VAV2: variants seen among roughly 807,000 people sequenced by gnomAD.
The protein encoded by VAV2 is guanine nucleotide exchange factor VAV2.
A neutral mutation model predicts 132.5 loss-of-function variants in VAV2; 67 were observed. The ratio of observed to expected loss-of-function variants is 0.51; its 90% CI spans 0.42 to 0.62. The LOEUF (loss-of-function observed/expected upper bound fraction) is 0.62, where lower values mean the gene tolerates loss of function less well. VAV2 is among the 20% of genes least tolerant of loss of function. The probability of loss-of-function intolerance (pLI) is 0.00; values close to 1 mark genes in which losing one functional copy is unlikely to be tolerated. For missense variants in VAV2, 938 were observed against 1,153.6 expected, an observed-to-expected ratio of 0.81 and a Z score of 2.71; for synonymous variants, 492 against 443.5, an observed-to-expected ratio of 1.11 and a Z score of -1.37.
chr9:133,933,448 GATGA>G (rs1290512243), intron 2 of VAV2, among the ~76,000 whole-genome samples: 1 of 146,112 alleles, frequency 6.8e-6, no homozygotes, highest in African/African-American at 2.7e-5. Context: ...TGGATGGATG[GATGA>G]ATGGATGGGT....
chr9:133,924,899 C>CTT (rs1840419626), intron 2 of VAV2, among the ~76,000 whole-genome samples: 1 of 152,264 alleles, frequency 6.6e-6, no homozygotes, highest in Non-Finnish European at 1.5e-5. Flanking sequence ...AAAGGAATGA[C>CTT]CCACTGGCGG....
At chr9:133,858,136 G>A (rs1423615012) in intron 3 of VAV2, among the ~76,000 whole-genome samples, 2 of 152,228 alleles carry the variant, frequency 1.3e-5, no homozygotes, top group East Asian at 3.9e-4. Context: ...GCCCCGTAGT[G>A]TCTGCCAGAT....
chr9:133,772,070 G>A (rs565635701), intron 25 of VAV2, 24 bp from the exon 26 acceptor site: 11 of 1,608,144 alleles, frequency 6.8e-6, no homozygotes, highest in Middle Eastern at 1.7e-4. Context: ...CGGCCCCGGC[G>A]GTCACCGCGT....
At chr9:133,792,066 G>GGTGT (rs368196281) in intron 12 of VAV2, among the ~76,000 whole-genome samples, 197 bp from the exon 13 acceptor site, 119 of 142,090 alleles carry the variant, frequency 8.4e-4, no homozygotes, top group African/African-American at 2.1e-3. Context: ...ACTGTGCTGT[G>GGTGT]GTGTGTGTGT....
At chr9:133,837,630 C>A (rs369250201) in intron 3 of VAV2, among the ~76,000 whole-genome samples, 2 of 150,926 alleles carry the variant, frequency 1.3e-5, no homozygotes. Flanking sequence ...ACCCGGGAGG[C>A]GGAGGTTGCT....
chr9:133,863,340 G>C lies in VAV2; in HGVS notation c.322-1908C>G, dbSNP rs1051002595. ...GCCCTCCTCCGTGGAGTCTAAGGAG[G>C]CACCAGCATTCGGTCAGCGCTGACA... is the stretch of plus-strand genomic sequence containing the variant. On this transcript the variant is annotated intron_variant, in intron 2 of 29. Transcript: ENST00000371850. The surrounding 1 kb of genome is among the most constrained non-coding windows in gnomAD (Gnocchi z 5.0). Among the ~76,000 whole-genome samples the C allele has an allele frequency of 6.6e-6, 1 of 152,198 alleles. No individual in the cohort carries two copies.
In VAV2 at chr9:133,770,461, C is replaced by T. The variant is rs775372990; in HGVS notation, c.2264G>A (p.Ser755Asn). The T allele has an allele frequency of 6.2e-7, 1 of 1,614,142 alleles. No homozygotes were observed. The highest frequency in any genetic ancestry group is 8.5e-7 in the Non-Finnish European group (1 of 1,179,988). ...GAGTGTGGTGTCCAGCTGCTTGAAG[C>T]TCTCCTTCAGTGAGTGGCACTGGTA... ...EYYQCHSLKE[S>N]FKQLDTTLKY... Residue 755 changes from serine to asparagine, a missense_variant, in exon 27 of 30, where the codon AGC (serine) becomes AAC (asparagine). Physicochemically the swap from Ser to Asn is conservative, Grantham distance 46. Coordinates refer to ENST00000371850, the MANE Select transcript of VAV2 (RefSeq NM_001134398.2).
chr9:133,931,835 GCAC>G (rs1379301755), intron 2 of VAV2, among the ~76,000 whole-genome samples: 1 of 152,196 alleles, frequency 6.6e-6, no homozygotes, highest in Admixed American at 6.5e-5. Context: ...CCATGACCAG[GCAC>G]CTGGGGAGGG....
Position 133,984,242 on chromosome 9 carries a change from G to A in VAV2, c.204+7833C>T, listed in dbSNP as rs188488603. Among the ~76,000 whole-genome samples, 48 of 152,270 alleles carry A rather than the reference G, an allele frequency of 3.2e-4. 1 individual carries two copies. The highest frequency in any genetic ancestry group is 2.5e-3 in the Admixed American group (39 of 15,304). On this transcript the variant is annotated intron_variant, in intron 1 of 29. Coordinates refer to ENST00000371850, the MANE Select transcript of VAV2 (RefSeq NM_001134398.2). ...GCCTGCCTCAGCATCCCAAAGTGCT[G>A]GGATTACAGGCGTGAGCCACTGTAC... is the stretch of plus-strand genomic sequence containing the variant.
At position 133,917,468 on chromosome 9, in the gene VAV2, TTTTA is replaced by T. The variant is rs1277667738; in HGVS notation, c.321+21631_321+21634del. ...TTTTTTTTTTTTTTGGCTAGAAGGG[TTTTA>T]TTTGTTTATCGTTTCTAGTAAGTCA... On this transcript the variant is annotated intron_variant, in intron 2 of 29. Coordinates refer to ENST00000371850, the MANE Select transcript of VAV2 (RefSeq NM_001134398.2). Among the ~76,000 whole-genome samples the T allele has an allele frequency of 1.2e-4, 13 of 108,232 alleles. No homozygotes were observed. In the Admixed American group the frequency reaches 1.3e-3, roughly 11 times the overall value. 71.0% of individuals were successfully genotyped at this position (108,232 alleles called of 152,430 possible).
chr9:133,793,141 C>T (rs1834563542), intron 12 of VAV2, among the ~76,000 whole-genome samples: 1 of 152,146 alleles, frequency 6.6e-6, no homozygotes, highest in Non-Finnish European at 1.5e-5. Flanking sequence ...CCGGCGCCTG[C>T]CTGCCGTGCT....
rs567300606 is a variant in VAV2 at position 133,859,221 on chromosome 9, G to T, written c.380+2153C>A. ...CCTTTCCATGGTCCTCACCACCCCC[G>T]AAGCCACCAATGGGCTCCCGTTGCC... On this transcript the variant is annotated intron_variant, in intron 3 of 29. Coordinates refer to ENST00000371850, the MANE Select transcript of VAV2 (RefSeq NM_001134398.2). 5.3e-5 allele frequency among the ~76,000 whole-genome samples: 8 copies of T among 152,342 alleles called. No individual in the cohort carries two copies. In the East Asian group the frequency reaches 9.6e-4, roughly 18 times the overall value.
chr9:133,766,759 AATATATAT>A (rs373267933), intron 29 of VAV2, among the ~76,000 whole-genome samples: 2,259 of 112,122 alleles, frequency 0.02, 95 homozygotes, highest in African/African-American at 0.076. Flanking sequence ...AGTATAAATA[AATATATAT>A]ATATATATAT....
chr9:133,937,677 A>T (rs1840977470), intron 2 of VAV2, among the ~76,000 whole-genome samples: 1 of 152,142 alleles, frequency 6.6e-6, no homozygotes, highest in Non-Finnish European at 1.5e-5. Context: ...AACTCATTTC[A>T]AAACAAATCT....
At chr9:133,964,438 T>C (rs942521205) in intron 1 of VAV2, among the ~76,000 whole-genome samples, 3 of 152,156 alleles carry the variant, frequency 2.0e-5, no homozygotes, top group African/African-American at 7.2e-5. Context: ...CATATTTATG[T>C]ATATAACATA....
intron 2 of VAV2, among the ~76,000 whole-genome samples, chr9:133,899,212 T>G (rs1222627746): frequency 6.6e-6 from 1 of 151,626 alleles, no homozygotes; most frequent in Non-Finnish European, 1.5e-5. Context: ...GGAATAACAA[T>G]GTCTCTTCCA....
chr9:133,889,673 A>T (rs1206956369), intron 2 of VAV2, among the ~76,000 whole-genome samples: 1 of 152,106 alleles, frequency 6.6e-6, no homozygotes, highest in South Asian at 2.1e-4. Context: ...TCAGCGACCG[A>T]GTGCGTCATG....
chr9:133,807,129 G>A (rs939633208), intron 8 of VAV2, 129 bp downstream of exon 8: 1 of 1,091,444 alleles, frequency 9.2e-7, no homozygotes, highest in Admixed American at 2.9e-5. Flanking sequence ...CCTCCTTCCG[G>A]CCAGCACGAG....
chr9:133,834,848 C>A lies in VAV2; in HGVS notation c.381-508G>T, dbSNP rs1276103881. Among the ~76,000 whole-genome samples the A allele has an allele frequency of 6.6e-6, 1 of 152,122 alleles. No homozygotes were observed. On this transcript the variant is annotated intron_variant, in intron 3 of 29. Coordinates refer to ENST00000371850, the MANE Select transcript of VAV2 (RefSeq NM_001134398.2). The surrounding 1 kb of genome is among the most constrained non-coding windows in gnomAD (Gnocchi z 5.9). Reference sequence around the variant, plus strand: ...TGAGGGTAGGGGCTCACCCACGCCACCCACCAGCCACTGGCTTGAGGTCAG... The same window carrying A: ...TGAGGGTAGGGGCTCACCCACGCCAACCACCAGCCACTGGCTTGAGGTCAG...
Sources: gnomAD v4.1 joint callset for allele counts (sites outside exome capture counted in the v4.1 genomes callset) on GRCh38, gnomAD v4.1.1 for gene constraint, Gnocchi (gnomAD v3.1) non-coding constraint, MANE v1.5 for transcripts, NCBI Gene and HGNC (gene_info 2026-07-23, HGNC 2026-07-21) for gene names.